Variants in ACO2 observed in about 807,000 individuals in gnomAD.
ACO2 encodes aconitate hydratase, mitochondrial.
A neutral mutation model predicts 84.5 loss-of-function variants in ACO2; 31 were observed. The ratio of observed to expected loss-of-function variants is 0.37; its 90% CI spans 0.28 to 0.50. The LOEUF (loss-of-function observed/expected upper bound fraction) is 0.50. Ranked by LOEUF, ACO2 falls within the 20% of genes least tolerant of loss-of-function variation. The pLI, the probability that ACO2 is intolerant of heterozygous loss-of-function variation, is 0.97. For missense variants in ACO2, 685 were observed against 1,029.3 expected (o/e 0.67, Z 4.58); for synonymous variants, 414 against 412.7 (o/e 1.00, Z -0.04).
At chr22:41,499,304 A>G (rs1275751201) in intron 1 of ACO2, among the ~76,000 whole-genome samples, 2 of 152,184 alleles carry the variant, frequency 1.3e-5, no homozygotes, top group African/African-American at 4.8e-5. Flanking sequence ...TAGTGCAGGT[A>G]GACTAATAGC....
chr22:41,523,345 G>A, intron 11 of ACO2, 67 bp downstream of exon 11: 1 of 1,308,736 alleles, frequency 7.6e-7, no homozygotes, highest in African/African-American at 1.5e-5. Context: ...GAAGTTGGAG[G>A]GGGAATTATT....
chr22:41,473,594 T>C (rs1265747360), intron 1 of ACO2, among the ~76,000 whole-genome samples: 1 of 152,210 alleles, frequency 6.6e-6, no homozygotes, highest in Non-Finnish European at 1.5e-5. Context: ...ATAGTGGGGC[T>C]TAAATTGTTG....
chr22:41,492,838 G>T (rs1351045903), intron 1 of ACO2, among the ~76,000 whole-genome samples: 3 of 152,240 alleles, frequency 2.0e-5, no homozygotes, highest in African/African-American at 7.2e-5. Flanking sequence ...CAGCTACTCA[G>T]GAGGCTGAGG....
At chr22:41,517,406 T>C (rs1432152572) in intron 6 of ACO2, 121 bp from the exon 7 acceptor site, 1 of 798,730 alleles carries the variant, frequency 1.3e-6, no homozygotes, top group African/African-American at 1.7e-5. Context: ...TCACCACATC[T>C]CTCTGAGTGG....
At chr22:41,527,658 T>C in intron 16 of ACO2, 1 of 781,968 alleles carries the variant, frequency 1.3e-6, no homozygotes, top group Non-Finnish European at 2.0e-6. Context: ...CTAGGACATG[T>C]GCCAGGGGGT....
Position 41,472,246 on chromosome 22 carries a change from G to A in ACO2, c.36+3064G>A, listed in dbSNP as rs571823809. Among the ~76,000 whole-genome samples the A allele has an allele frequency of 2.6e-5, 4 of 152,084 alleles. No homozygotes were observed. The South Asian group carries it at 6.2e-4, about 24-fold the overall frequency. On this transcript the variant is annotated intron_variant, in intron 1 of 17. Transcript: ENST00000216254. Reference sequence around the variant, plus strand: ...CAGGCGCCTGTAGTCCCAGCTACTCGGGAGGCTGAGGCAGAAGAATCCCTT... The same window carrying A: ...CAGGCGCCTGTAGTCCCAGCTACTCAGGAGGCTGAGGCAGAAGAATCCCTT...
At chr22:41,489,037 C>T (rs1002117490) in intron 1 of ACO2, among the ~76,000 whole-genome samples, 1 of 152,010 alleles carries the variant, frequency 6.6e-6, no homozygotes, top group Admixed American at 6.6e-5. Flanking sequence ...TCCAGTTCCT[C>T]CTCCTCCCCT....
At chr22:41,497,078 T>C (rs2066319247) in intron 1 of ACO2, among the ~76,000 whole-genome samples, 1 of 151,772 alleles carries the variant, frequency 6.6e-6, no homozygotes, top group Non-Finnish European at 1.5e-5. Flanking sequence ...CTTTTTTCTT[T>C]TTTTTTTCGA....
chr22:41,477,422 GTGC>G (rs907251706), intron 1 of ACO2, among the ~76,000 whole-genome samples: 8 of 151,634 alleles, frequency 5.3e-5, no homozygotes, highest in Non-Finnish European at 4.4e-5. Flanking sequence ...GCCTCCCAAA[GTGC>G]TGGGATTACA....
intron 1 of ACO2, among the ~76,000 whole-genome samples, chr22:41,492,530 T>C (rs2066279168): frequency 6.6e-6 from 1 of 152,028 alleles, no homozygotes; most frequent in South Asian, 2.1e-4. Flanking sequence ...TCCGAATACT[T>C]TGAGAGGCAG....
chr22:41,527,116 A>C, intron 15 of ACO2, 172 bp from the exon 16 acceptor site: 1 of 941,120 alleles, frequency 1.1e-6, no homozygotes, highest in Non-Finnish European at 1.6e-6. Context: ...GGTCTCATTC[A>C]CGCAGGCTTC....
intron 1 of ACO2, among the ~76,000 whole-genome samples, chr22:41,497,147 C>T (rs915673660): frequency 2.6e-5 from 4 of 151,890 alleles, no homozygotes; most frequent in Admixed American, 6.6e-5. Context: ...TGGCTCACTG[C>T]AACCTCTGCC....
At chr22:41,522,086 T>G (rs2066531323) in intron 9 of ACO2, among the ~76,000 whole-genome samples, 2 of 152,222 alleles carry the variant, frequency 1.3e-5, no homozygotes, top group Admixed American at 1.3e-4. Context: ...CCCAACACTT[T>G]GAGAGGCTGA....
At position 41,499,855 on chromosome 22, in the gene ACO2, C is replaced by A. The variant is rs746995807; in HGVS notation, c.166C>A (p.Arg56Ser). 6.2e-7 allele frequency: 1 copy of A among 1,613,946 alleles called. No individual in the cohort carries two copies. The highest frequency in any genetic ancestry group is 8.5e-7 in the Non-Finnish European group (1 of 1,179,944). The stretch of plus-strand genomic sequence containing the variant: ...GCTAGAGAAGAACATTAACATTGTT[C>A]GCAAACGGTAAGGCTGCAGATGGGA... ...DLLEKNINIV[R>S]KRLNRPLTLS... Residue 56 changes from arginine to serine, a missense_variant, in exon 2 of 18, where the codon CGC (arginine) becomes AGC (serine). By Grantham distance (110) the Arg-to-Ser change is moderately radical (BLOSUM62 -1). Transcript: ENST00000216254.
intron 1 of ACO2, among the ~76,000 whole-genome samples, chr22:41,492,425 T>G (rs1251740785): frequency 6.6e-6 from 1 of 151,922 alleles, no homozygotes; most frequent in African/African-American, 2.4e-5. Context: ...TCACCTGAGG[T>G]CAGGAGTTTG....
At chr22:41,490,224 G>A (rs1286433956) in intron 1 of ACO2, among the ~76,000 whole-genome samples, 1 of 152,102 alleles carries the variant, frequency 6.6e-6, no homozygotes, top group African/African-American at 2.4e-5. Flanking sequence ...TCAGTGGGGG[G>A]CTAAGGCAGG....
chr22:41,527,368 T>C lies in ACO2; in HGVS notation c.2034T>C (p.Pro678=). ...GSSREHAALE[P]RHLGGRAIIT... The stretch of plus-strand genomic sequence containing the variant: ...GCCGGGAGCATGCAGCTCTGGAGCC[T>C]CGCCACCTTGGGGGCCGGGCCATCA... Residue 678 remains proline, a synonymous_variant, in exon 16 of 18, where the codon CCT becomes CCC. Coordinates refer to ENST00000216254, the MANE Select transcript of ACO2 (RefSeq NM_001098.3). 6.2e-7 allele frequency: 1 copy of C among 1,613,968 alleles called. No individual in the cohort carries two copies.
Position 41,517,455 on chromosome 22 carries a change from G to A in ACO2, c.836-72G>A, listed in dbSNP as rs145434182. 71 of 1,214,202 alleles carry A rather than the reference G, an allele frequency of 5.8e-5. No homozygotes were observed. In the African/African-American group the frequency reaches 1.0e-3, roughly 17 times the overall value. 75.2% of individuals were successfully genotyped at this position (1,214,202 alleles called of 1,614,324 possible). ...GCAGCTCCCTGGTGTGAAGATGCAG[G>A]TGGCCGCGTAGCAGGTGTGTGGGAC... On this transcript the variant is annotated intron_variant, in intron 6 of 17. Coordinates refer to ENST00000216254, the MANE Select transcript of ACO2 (RefSeq NM_001098.3).
chr22:41,489,974 C>G (rs202610), intron 1 of ACO2, among the ~76,000 whole-genome samples: 2,505 of 152,132 alleles, frequency 0.016, 77 homozygotes, highest in African/African-American at 0.056. Flanking sequence ...CACTATTTGC[C>G]TGGTTTATTT....
Sources: gnomAD v4.1 joint callset for allele counts (sites outside exome capture counted in the v4.1 genomes callset) on GRCh38, gnomAD v4.1.1 for gene constraint, MANE v1.5 for transcripts, NCBI Gene and HGNC (gene_info 2026-07-23, HGNC 2026-07-21) for gene names.